Variants in MBOAT2 observed in about 807,000 individuals in gnomAD.
The protein encoded by MBOAT2 is membrane bound glycerophospholipid O-acyltransferase 2, also known as membrane-bound glycerophospholipid O-acyltransferase 2.
A neutral mutation model predicts 63.4 loss-of-function variants in MBOAT2; 28 were observed. The ratio of observed to expected loss-of-function variants is 0.44; its 90% CI spans 0.33 to 0.61. MBOAT2 has a LOEUF of 0.61. Ranked by LOEUF, MBOAT2 falls within the 20% of genes least tolerant of loss-of-function variation. The probability of loss-of-function intolerance (pLI) is 0.03; values close to 1 mark genes in which losing one functional copy is unlikely to be tolerated. For missense variants in MBOAT2, 470 were observed against 605.8 expected, an observed-to-expected ratio of 0.78 and a Z score of 2.35; for synonymous variants, 211 against 215.6, an observed-to-expected ratio of 0.98 and a Z score of 0.19.
intron 1 of MBOAT2, among the ~76,000 whole-genome samples, chr2:8,998,756 T>A (rs1018669260): frequency 6.6e-6 from 1 of 152,124 alleles, no homozygotes; most frequent in African/African-American, 2.4e-5. Flanking sequence ...TCCTTCAGTG[T>A]CGACTTCAGG....
At chr2:8,898,869 G>A (rs1020369108) in intron 4 of MBOAT2, among the ~76,000 whole-genome samples, 7 of 151,662 alleles carry the variant, frequency 4.6e-5, no homozygotes, top group Admixed American at 1.3e-4. Context: ...TATAGGGGTT[G>A]GGTACAACTG....
In MBOAT2 at chr2:8,920,611, A is replaced by G. The variant is rs902958233; in HGVS notation, c.300-11895T>C. Among the ~76,000 whole-genome samples the G allele has an allele frequency of 6.6e-5, 10 of 152,094 alleles. 1 individual carries two copies. The highest frequency in any genetic ancestry group is 3.3e-4 in the Admixed American group (5 of 15,270). The stretch of plus-strand genomic sequence containing the variant: ...GTTAGGAATTGCATTAAATCTATAG[A>G]TGAATTTGTGAAGAAATGCCATCTT... On this transcript the variant is annotated intron_variant, in intron 3 of 12. Transcript: ENST00000305997.
chr2:8,958,534 G>C lies in MBOAT2; in HGVS notation c.184C>G (p.Leu62Val), dbSNP rs1452378930. The change falls in exon 2 of 13, where the codon CTT becomes GTT. Residue 62 changes from leucine to valine, a missense_variant. Physicochemically the swap from Leu to Val is conservative, Grantham distance 32. Coordinates refer to ENST00000305997, the MANE Select transcript of MBOAT2 (RefSeq NM_138799.4). ...AAAAGTGCAAGATAAAGGCCCAAAAGGGTAGCAACTACATGTCTTATAAAA... is the reference window on the plus strand; with the variant it reads ...AAAAGTGCAAGATAAAGGCCCAAAACGGTAGCAACTACATGTCTTATAAAA... ...SSFIRHVVAT[L>V]LGLYLALFCF... 1 of 1,605,538 alleles carries C rather than the reference G, an allele frequency of 6.2e-7. No individual in the cohort carries two copies. The highest frequency in any genetic ancestry group is 8.5e-7 in the Non-Finnish European group (1 of 1,177,936).
intron 4 of MBOAT2, 21 bp from the exon 5 acceptor site, chr2:8,888,094 T>A (rs1184986777): frequency 1.9e-6 from 3 of 1,604,088 alleles, no homozygotes; most frequent in South Asian, 1.1e-5. Flanking sequence ...ATAAAAAAAA[T>A]TAGTGTTTTA....
chr2:8,890,309 C>A (rs548445385), intron 4 of MBOAT2, among the ~76,000 whole-genome samples: 1 of 152,168 alleles, frequency 6.6e-6, no homozygotes, highest in Non-Finnish European at 1.5e-5. Context: ...CACACACGCG[C>A]GCACGCAAAT....
intron 4 of MBOAT2, among the ~76,000 whole-genome samples, chr2:8,890,640 C>T (rs1276922543): frequency 6.6e-6 from 1 of 152,256 alleles, no homozygotes; most frequent in African/African-American, 2.4e-5. Flanking sequence ...CCACCTCAGC[C>T]TCCAAAGCAG....
Position 8,958,640 on chromosome 2 carries a change from G to C in MBOAT2, c.78C>G (p.Val26=), listed in dbSNP as rs752100958. 1 of 1,557,346 alleles carries C rather than the reference G, an allele frequency of 6.4e-7. No homozygotes were observed. Among genetic ancestry groups the C allele is most frequent in the Non-Finnish European group, 8.6e-7 (1 of 1,157,472 alleles). ...CAAAGAGTTGGCACACTACAAAGTT[G>C]ACCTGTAAAGAAAAATTAAAATTTT... The part of the protein sequence containing the change: ...SNAVQLPIDQ[V]NFVVCQLFAL... The change falls in exon 2 of 13, where the codon GTC becomes GTG. Residue 26 remains valine, a splice_region_variant and synonymous_variant. Coordinates refer to ENST00000305997, the MANE Select transcript of MBOAT2 (RefSeq NM_138799.4).
At chr2:8,933,979 G>A (rs1667496694) in intron 3 of MBOAT2, among the ~76,000 whole-genome samples, 1 of 152,080 alleles carries the variant, frequency 6.6e-6, no homozygotes. Context: ...ACCTCCAAAA[G>A]AGACATTATA....
At chr2:8,929,855 G>A (rs1272228842) in intron 3 of MBOAT2, among the ~76,000 whole-genome samples, 1 of 152,112 alleles carries the variant, frequency 6.6e-6, no homozygotes, top group East Asian at 1.9e-4. Flanking sequence ...ATCAGGACTT[G>A]GTCCTGGATG....
At position 8,967,875 on chromosome 2, in the gene MBOAT2, C is replaced by T. The variant is rs923369798; in HGVS notation, c.76-9233G>A. On this transcript the variant is annotated intron_variant, in intron 1 of 12. Transcript: ENST00000305997. ...AAAAAATTCCTTCATGGGCAAAACACCATAAACAAAGTCAAAGGACAAACA... is the reference window on the plus strand; with the variant it reads ...AAAAAATTCCTTCATGGGCAAAACATCATAAACAAAGTCAAAGGACAAACA... Among the ~76,000 whole-genome samples the T allele has an allele frequency of 5.4e-4, 82 of 152,084 alleles. 1 individual carries two copies. Among genetic ancestry groups the T allele is most frequent in the African/African-American group, 1.8e-3 (73 of 41,416 alleles).
intron 3 of MBOAT2, among the ~76,000 whole-genome samples, chr2:8,925,649 C>G (rs945470954): frequency 1.3e-5 from 2 of 152,184 alleles, no homozygotes; most frequent in Non-Finnish European, 2.9e-5. Context: ...TGTTAATCAT[C>G]TAAAATTGTC....
chr2:8,893,846 G>C (rs1438075865), intron 4 of MBOAT2, among the ~76,000 whole-genome samples: 1 of 152,202 alleles, frequency 6.6e-6, no homozygotes, highest in South Asian at 2.1e-4. Context: ...TCCAAGGAGA[G>C]ACACTGGGAT....
chr2:8,867,209 G>A (rs920909071), intron 9 of MBOAT2, among the ~76,000 whole-genome samples: 1 of 152,012 alleles, frequency 6.6e-6, no homozygotes, highest in Non-Finnish European at 1.5e-5. Context: ...TAGAGATGGG[G>A]TTTTGCCATG....
At chr2:8,899,037 T>C (rs1279757551) in intron 4 of MBOAT2, among the ~76,000 whole-genome samples, 1 of 152,200 alleles carries the variant, frequency 6.6e-6, no homozygotes, top group Non-Finnish European at 1.5e-5. Flanking sequence ...TATCTTGCAA[T>C]CCTTTATGAG....
chr2:8,889,349 G>A (rs1222011944), intron 4 of MBOAT2, among the ~76,000 whole-genome samples: 5 of 152,244 alleles, frequency 3.3e-5, no homozygotes, highest in Non-Finnish European at 7.3e-5. Flanking sequence ...GGGCCCTTGA[G>A]AAGCTACAGC....
At chr2:8,864,273 T>A (rs766135538) in intron 9 of MBOAT2, 39 bp from the exon 10 acceptor site, 4 of 1,263,930 alleles carry the variant, frequency 3.2e-6, no homozygotes, top group Non-Finnish European at 3.3e-6. Flanking sequence ...TGTCACAAAA[T>A]AATGAAGCTT....
intron 9 of MBOAT2, among the ~76,000 whole-genome samples, chr2:8,868,171 T>C (rs1478503129): frequency 6.6e-6 from 1 of 152,176 alleles, no homozygotes; most frequent in Non-Finnish European, 1.5e-5. Context: ...AATACCCACA[T>C]GCCTTACCCC....
intron 3 of MBOAT2, among the ~76,000 whole-genome samples, chr2:8,917,686 G>C (rs1339255482): frequency 1.3e-5 from 2 of 152,108 alleles, no homozygotes; most frequent in East Asian, 1.9e-4. Context: ...TTTCTTACTG[G>C]ATTAAAATAT....
intron 1 of MBOAT2, among the ~76,000 whole-genome samples, chr2:8,967,935 T>C (rs770157943): frequency 2.0e-4 from 30 of 152,140 alleles, no homozygotes; most frequent in Admixed American, 5.2e-4. Flanking sequence ...AGTTCCAAGA[T>C]GGCCGAATAG....
Sources: allele counts gnomAD v4.1 joint callset (sites outside exome capture counted in the v4.1 genomes callset), GRCh38; gene constraint gnomAD v4.1.1; transcripts MANE v1.5; gene names NCBI Gene and HGNC (gene_info 2026-07-23, HGNC 2026-07-21).